MOB1B: variants seen among roughly 807,000 people sequenced by gnomAD.
MOB1B encodes the protein MOB kinase activator 1B, also known as MOB1 Mps One Binder homolog B.
In MOB1B, 19 loss-of-function variants were observed where a neutral mutation model predicts 24.4. The observed-to-expected ratio is 0.78, with a 90% CI of 0.54 to 1.14. The LOEUF (loss-of-function observed/expected upper bound fraction) is 1.14. Ranked by LOEUF, MOB1B falls within the 50% of genes most tolerant of loss-of-function variation. The pLI is 0.00. For missense variants in MOB1B, 243 were observed against 259.6 expected (o/e 0.94, Z 0.44); for synonymous variants, 76 against 82.1 (o/e 0.93, Z 0.40).
At position 70,952,511 on chromosome 4, in the gene MOB1B, C is replaced by G. The variant is rs555307380; in HGVS notation, c.15-6363C>G. Among the ~76,000 whole-genome samples, 3 of 151,452 alleles carry G rather than the reference C, an allele frequency of 2.0e-5. 1 individual carries two copies. The South Asian group carries it at 6.2e-4, about 31-fold the overall frequency. On this transcript the variant is annotated intron_variant, in intron 1 of 5. Transcript: ENST00000309395. ...ACAAAAAATTAGGTGACCGTGGTGG[C>G]GGGTGCCTGTAGACCCAGCTACTTG...
At chr4:70,914,608 ATATC>A (rs964124867) in intron 1 of MOB1B, among the ~76,000 whole-genome samples, 9 of 152,226 alleles carry the variant, frequency 5.9e-5, no homozygotes, top group Non-Finnish European at 1.2e-4. Flanking sequence ...ATTTTTAGCT[ATATC>A]TATCTGTGTA....
intron 1 of MOB1B, among the ~76,000 whole-genome samples, chr4:70,947,367 T>C (rs1737628548): frequency 6.6e-6 from 1 of 151,984 alleles, no homozygotes; most frequent in Non-Finnish European, 1.5e-5. Context: ...ACTCCTGGGC[T>C]CAGGTGATTC....
intron 3 of MOB1B, among the ~76,000 whole-genome samples, chr4:70,970,465 TTGTTA>T (rs1483909812): frequency 1.3e-5 from 2 of 152,232 alleles, no homozygotes; most frequent in African/African-American, 2.4e-5. Context: ...TGAAATTTGT[TTGTTA>T]TATTTCTTAC....
chr4:70,920,686 G>C (rs1422706063), intron 1 of MOB1B, among the ~76,000 whole-genome samples: 5 of 152,164 alleles, frequency 3.3e-5, no homozygotes, highest in South Asian at 2.1e-4. Flanking sequence ...CTCTCTCTCT[G>C]AGTGATCCTA....
chr4:70,931,806 C>T (rs1736899104), intron 1 of MOB1B, among the ~76,000 whole-genome samples: 1 of 152,178 alleles, frequency 6.6e-6, no homozygotes, highest in South Asian at 2.1e-4. Flanking sequence ...TGGTAGTTCA[C>T]TGCAGCCTCG....
In MOB1B at chr4:70,970,000, G is replaced by A. The variant is rs1034163960; in HGVS notation, c.251G>A (p.Cys84Tyr). 28 of 1,592,654 alleles carry A rather than the reference G, an allele frequency of 1.8e-5. No homozygotes were observed. The highest frequency in any genetic ancestry group is 2.2e-5 in the Non-Finnish European group (26 of 1,166,470). The change falls in exon 3 of 6, where the codon TGT becomes TAT. Residue 84 changes from cysteine to tyrosine, a missense_variant. Cys to Tyr is a radical substitution (Grantham distance 194). Coordinates refer to ENST00000309395, the MANE Select transcript of MOB1B (RefSeq NM_173468.4). The stretch of plus-strand genomic sequence containing the variant: ...ACAGACTTCTGTACAGAAGAGAGTT[G>A]TCCAGTGATGTCAGCTGGCCCAAAG... ...TITDFCTEES[C>Y]PVMSAGPKYE...
intron 1 of MOB1B, among the ~76,000 whole-genome samples, chr4:70,924,136 T>G (rs1399836930): frequency 6.6e-6 from 1 of 152,152 alleles, no homozygotes; most frequent in Non-Finnish European, 1.5e-5. Context: ...TCCTGCTGTT[T>G]AGAGAATCCA....
rs75959376 is a variant in MOB1B, at chr4:70,941,986, T to C, written c.15-16888T>C. On this transcript the variant is annotated intron_variant, in intron 1 of 5. Transcript: ENST00000309395. Reference sequence around the variant, plus strand: ...TTGTGAAAGGCTTTAGTAAGTTTTATAATTTAATATTATTATCAATCTTAG... The same window carrying C: ...TTGTGAAAGGCTTTAGTAAGTTTTACAATTTAATATTATTATCAATCTTAG... Among the ~76,000 whole-genome samples, 698 of 152,290 alleles carry C rather than the reference T, an allele frequency of 4.6e-3. 9 individuals are homozygous for C. Among genetic ancestry groups the C allele is most frequent in the African/African-American group, 0.016 (668 of 41,576 alleles).
intron 2 of MOB1B, among the ~76,000 whole-genome samples, chr4:70,965,657 C>T (rs559852637): frequency 2.7e-5 from 4 of 150,796 alleles, no homozygotes; most frequent in East Asian, 2.0e-4. Context: ...ATTCTCTGGG[C>T]GTGGTGGCGG....
In MOB1B at chr4:70,902,545, CTTG is replaced by C. The variant is rs749824241; in HGVS notation, c.14_14+2del. ...CCTGCCCCGCGGCCAACATGAGCTT[CTTG>C]TTGTGAGTAGCCAGGCCCCGCACGC... On this transcript the variant is annotated inframe_deletion and splice_region_variant, in exon 1 of 6. Transcript: ENST00000309395. 7.0e-6 allele frequency: 11 copies of C among 1,564,324 alleles called. No homozygotes were observed. Among genetic ancestry groups the C allele is most frequent in the African/African-American group, 6.8e-5 (5 of 73,896 alleles).
chr4:70,921,714 G>A (rs1391441560), intron 1 of MOB1B, among the ~76,000 whole-genome samples: 1 of 151,890 alleles, frequency 6.6e-6, no homozygotes, highest in Non-Finnish European at 1.5e-5. Context: ...TCACCGTGTT[G>A]GCCAGGTTGA....
rs900238813 is a variant in MOB1B at position 70,950,799 on chromosome 4, A to T, written c.15-8075A>T. The stretch of plus-strand genomic sequence containing the variant: ...CTTAGACCTATGGAAGGAGCTACTG[A>T]TGTGAATGAAAGGTTAGTACCTAGA... On this transcript the variant is annotated intron_variant, in intron 1 of 5. Transcript: ENST00000309395. 3 of 1,522,216 alleles carry T rather than the reference A, an allele frequency of 2.0e-6. No individual in the cohort carries two copies. In the African/African-American group the frequency reaches 4.1e-5, roughly 21 times the overall value. 94.3% of individuals were successfully genotyped at this position (1,522,216 alleles called of 1,614,324 possible).
rs908887862 is a variant in MOB1B, at chr4:70,987,296, A to T, written c.*5239A>T. ...AATTTCTCTATATATTATTAATATT[A>T]AATTGTTTTTTACTTATAAATTCAT... On this transcript the variant is annotated 3_prime_UTR_variant, in exon 6 of 6. Transcript: ENST00000309395. 5.3e-5 allele frequency: 8 copies of T among 151,924 alleles called. No individual in the cohort carries two copies. Among genetic ancestry groups the T allele is most frequent in the Non-Finnish European group, 1.2e-4 (8 of 67,916 alleles). The allele number at this position is 151,924 out of a possible 1,614,324, so 9.4% of individuals were successfully genotyped here. A position where few individuals can be genotyped will look rare whatever the true frequency, so the allele number is the denominator to read the frequency against.
At chr4:70,910,809 GAC>G (rs1735951421) in intron 1 of MOB1B, among the ~76,000 whole-genome samples, 1 of 150,578 alleles carries the variant, frequency 6.6e-6, no homozygotes, top group Admixed American at 6.6e-5. Context: ...TGTTTTTTGA[GAC>G]AGAGCTTTGC....
intron 1 of MOB1B, among the ~76,000 whole-genome samples, chr4:70,916,322 C>G (rs1736191209): frequency 6.6e-6 from 1 of 152,170 alleles, no homozygotes; most frequent in Admixed American, 6.5e-5. Context: ...TCTTTCAGCT[C>G]TTGTCATTTC....
At chr4:70,925,931 TTCA>T (rs1179579566) in intron 1 of MOB1B, among the ~76,000 whole-genome samples, 1 of 152,202 alleles carries the variant, frequency 6.6e-6, no homozygotes, top group Non-Finnish European at 1.5e-5. Flanking sequence ...TGAGGGTTTG[TTCA>T]TCATTTTATT....
chr4:70,942,099 A>T (rs547933114), intron 1 of MOB1B, among the ~76,000 whole-genome samples: 7 of 152,278 alleles, frequency 4.6e-5, no homozygotes, highest in Non-Finnish European at 8.8e-5. Context: ...CCTTAATTAC[A>T]CATTGGTTAA....
upstream of MOB1B, chr4:70,902,246 T>C: frequency 1.8e-6 from 1 of 554,672 alleles, no homozygotes. Context: ...CGAGAGCTCG[T>C]GAGGTGGGGG....
intron 1 of MOB1B, among the ~76,000 whole-genome samples, chr4:70,947,686 G>A (rs911176746): frequency 6.6e-6 from 1 of 151,646 alleles, no homozygotes; most frequent in Non-Finnish European, 1.5e-5. Flanking sequence ...GAGTGCAGTG[G>A]CACAATCTTG....
Sources: allele counts gnomAD v4.1 joint callset (sites outside exome capture counted in the v4.1 genomes callset), GRCh38; gene constraint gnomAD v4.1.1; transcripts MANE v1.5; gene names NCBI Gene and HGNC (gene_info 2026-07-23, HGNC 2026-07-21).